The following FYN variants were observed in gnomAD, a reference collection of about 807,000 sequenced individuals.
The protein encoded by FYN is FYN proto-oncogene, Src family tyrosine kinase, also known as tyrosine-protein kinase Fyn.
FYN carries 10 observed loss-of-function variants against 70.2 expected under a neutral mutation model. The observed-to-expected ratio is 0.14, with a 90% CI of 0.09 to 0.24. The LOEUF (loss-of-function observed/expected upper bound fraction) is 0.24, where lower values mean the gene tolerates loss of function less well. Among genes scored for constraint, FYN ranks in the 10% least tolerant of loss-of-function variants. The pLI, the probability that FYN is intolerant of heterozygous loss-of-function variation, is 1.00. For missense variants in FYN, 319 were observed against 673.1 expected (o/e 0.47, Z 5.82); for synonymous variants, 236 against 248.6 (o/e 0.95, Z 0.48).
rs375439492 is a variant in FYN, at chr6:111,692,102, C to CT, written c.1273+2272_1273+2273insA. 1.6e-3 allele frequency among the ~76,000 whole-genome samples: 160 copies of CT among 98,048 alleles called. 1 individual carries two copies. Among genetic ancestry groups the CT allele is most frequent in the African/African-American group, 6.4e-3 (157 of 24,506 alleles). The allele number at this position is 98,048 out of a possible 152,430, so 64.3% of individuals were successfully genotyped here. A position where few individuals can be genotyped will look rare whatever the true frequency, so the allele number is the denominator to read the frequency against. On this transcript the variant is annotated intron_variant, in intron 12 of 13. Coordinates refer to ENST00000354650, the MANE Select transcript of FYN (RefSeq NM_002037.5). ...GGACCTGCCTTGCCAAGCTTCATTT[C>CT]CCCCCCCCCCAGTTCAGCTCTCCAG...
At chr6:111,685,344 C>A (rs1166651249) in intron 12 of FYN, among the ~76,000 whole-genome samples, 1 of 152,226 alleles carries the variant, frequency 6.6e-6, no homozygotes, top group Non-Finnish European at 1.5e-5. Flanking sequence ...AGTTGGAGGT[C>A]ACGGGGTTTG....
At chr6:111,662,011 C>G in intron 13 of FYN, 64 bp from the exon 14 acceptor site, 2 of 1,341,268 alleles carry the variant, frequency 1.5e-6, no homozygotes, top group Non-Finnish European at 2.1e-6. Flanking sequence ...GCCGCACTTG[C>G]AGATCCCCTT....
Position 111,754,242 on chromosome 6 carries a change from G to A in FYN, c.-12+26324C>T, listed in dbSNP as rs184121814. Among the ~76,000 whole-genome samples, 8 of 152,284 alleles carry A rather than the reference G, an allele frequency of 5.3e-5. No individual in the cohort carries two copies. In the East Asian group the frequency reaches 1.3e-3, roughly 26 times the overall value. ...CTGTCTGAATATTTCTGGGCCCCAA[G>A]TTGGGGTTTACTTTCTTGATGGTTG... On this transcript the variant is annotated intron_variant, in intron 3 of 13. Coordinates refer to ENST00000354650, the MANE Select transcript of FYN (RefSeq NM_002037.5).
At chr6:111,714,807 C>T (rs1431123361) in intron 4 of FYN, among the ~76,000 whole-genome samples, 4 of 152,222 alleles carry the variant, frequency 2.6e-5, no homozygotes, top group African/African-American at 9.6e-5. Flanking sequence ...ACATCCTTTG[C>T]TGGTCGTATC....
intron 2 of FYN, among the ~76,000 whole-genome samples, chr6:111,808,061 C>T (rs1479637108): frequency 1.3e-5 from 2 of 151,966 alleles, no homozygotes; most frequent in Admixed American, 6.6e-5. Flanking sequence ...TGCGCTGAGG[C>T]TGCACCATTG....
chr6:111,709,614 C>A (rs1239421286), intron 5 of FYN, among the ~76,000 whole-genome samples: 2 of 152,192 alleles, frequency 1.3e-5, no homozygotes, highest in Non-Finnish European at 2.9e-5. Context: ...AAGTACAGTA[C>A]TCATATTCAG....
chr6:111,811,729 A>G (rs574317170), intron 2 of FYN, among the ~76,000 whole-genome samples: 7 of 152,342 alleles, frequency 4.6e-5, no homozygotes, highest in East Asian at 1.9e-4. Context: ...GTTTAAAAAG[A>G]TAAGTTAAAC....
intron 12 of FYN, among the ~76,000 whole-genome samples, chr6:111,690,172 C>G (rs910701997): frequency 6.9e-6 from 1 of 145,912 alleles, no homozygotes; most frequent in African/African-American, 2.8e-5. Context: ...TCGGGGGTCA[C>G]AGGAGACAGG....
chr6:111,778,379 A>G (rs1043336720), intron 3 of FYN, among the ~76,000 whole-genome samples: 2 of 152,136 alleles, frequency 1.3e-5, no homozygotes, highest in Non-Finnish European at 2.9e-5. Context: ...TAACACATTT[A>G]TGCCTTCTAT....
intron 9 of FYN, among the ~76,000 whole-genome samples, chr6:111,698,753 A>G (rs975217570): frequency 4.6e-5 from 7 of 152,240 alleles, no homozygotes; most frequent in African/African-American, 1.7e-4. Flanking sequence ...GACTTTAAAC[A>G]TATTAACCCA....
chr6:111,663,017 C>T (rs1797829507), intron 13 of FYN, among the ~76,000 whole-genome samples: 1 of 152,368 alleles, frequency 6.6e-6, no homozygotes, highest in Non-Finnish European at 1.5e-5. Flanking sequence ...CTTAACACTA[C>T]AGGAACTACC....
At chr6:111,695,806 T>G (rs1249949347) in intron 10 of FYN, among the ~76,000 whole-genome samples, 1 of 152,186 alleles carries the variant, frequency 6.6e-6, no homozygotes, top group Non-Finnish European at 1.5e-5. Context: ...TCTGAAAGCA[T>G]GTAATTTCAT....
chr6:111,741,186 T>C (rs540824597), intron 3 of FYN: 10 of 152,370 alleles, frequency 6.6e-5, no homozygotes, highest in African/African-American at 2.4e-4. Flanking sequence ...ATCACTGTTT[T>C]ATTTGCTTCA....
intron 2 of FYN, among the ~76,000 whole-genome samples, chr6:111,792,263 C>T (rs1771651440): frequency 6.6e-6 from 1 of 152,154 alleles, no homozygotes; most frequent in African/African-American, 2.4e-5. Flanking sequence ...ATTCAGCCAT[C>T]AAATAAAAGC....
At chr6:111,691,222 A>G (rs2128429862) in intron 12 of FYN, among the ~76,000 whole-genome samples, 1 of 152,256 alleles carries the variant, frequency 6.6e-6, no homozygotes, top group Admixed American at 6.5e-5. Context: ...AGTAAGGAGC[A>G]CAGGAAGGAC....
intron 3 of FYN, among the ~76,000 whole-genome samples, chr6:111,770,356 C>T (rs60674877): frequency 0.011 from 1,706 of 152,244 alleles, 25 homozygotes; most frequent in African/African-American, 0.039. Context: ...ATTGTACATG[C>T]TGCTTGACTT....
chr6:111,714,571 T>C (rs144684696), intron 4 of FYN, 128 bp from the exon 5 acceptor site: 2 of 712,726 alleles, frequency 2.8e-6, no homozygotes, highest in East Asian at 2.7e-5. Context: ...CATGATGAAG[T>C]GTTGTAATTA....
At chr6:111,753,052 C>T (rs2128488578) in intron 3 of FYN, among the ~76,000 whole-genome samples, 1 of 152,246 alleles carries the variant, frequency 6.6e-6, no homozygotes, top group South Asian at 2.1e-4. Context: ...AGTCCCATTT[C>T]TATATATATT....
chr6:111,777,170 G>T (rs1238999587), intron 3 of FYN, among the ~76,000 whole-genome samples: 1 of 152,152 alleles, frequency 6.6e-6, no homozygotes, highest in Non-Finnish European at 1.5e-5. Context: ...ATCTTTAGTT[G>T]ACCGTCATTC....
Sources: allele counts gnomAD v4.1 joint callset (sites outside exome capture counted in the v4.1 genomes callset), GRCh38; gene constraint gnomAD v4.1.1; transcripts MANE v1.5; gene names NCBI Gene and HGNC (gene_info 2026-07-23, HGNC 2026-07-21).